Variants in CRADD observed in about 807,000 individuals in gnomAD.
CRADD encodes the protein death domain-containing protein CRADD.
CRADD carries 9 observed loss-of-function variants against 15.5 expected under a neutral mutation model. The observed-to-expected ratio is 0.58, with a 90% CI of 0.35 to 1.01. CRADD has a LOEUF of 1.01. CRADD is among the 50% of genes least tolerant of loss of function. The pLI is 0.02. For synonymous variants in CRADD, 118 were observed against 107.6 expected, an observed-to-expected ratio of 1.10 and a Z score of -0.60; for missense variants, 227 against 250.3, an observed-to-expected ratio of 0.91 and a Z score of 0.63.
intron 2 of CRADD, among the ~76,000 whole-genome samples, chr12:93,893,433 C>G (rs910499844): frequency 6.6e-6 from 1 of 151,738 alleles, no homozygotes; most frequent in African/African-American, 2.4e-5. Context: ...TCAAGGAAGA[C>G]TAGGGGAAAT....
intron 2 of CRADD, among the ~76,000 whole-genome samples, chr12:93,800,832 C>T (rs570552053): frequency 3.3e-5 from 5 of 152,260 alleles, no homozygotes; most frequent in African/African-American, 7.2e-5. Flanking sequence ...CAGACACATC[C>T]GAAAATAATG....
intron 2 of CRADD, among the ~76,000 whole-genome samples, chr12:93,821,753 C>T (rs1957771768): frequency 6.6e-6 from 1 of 152,168 alleles, no homozygotes; most frequent in East Asian, 1.9e-4. Context: ...GGCACAGCCT[C>T]TTCCTTGTGG....
intron 2 of CRADD, among the ~76,000 whole-genome samples, chr12:93,694,774 A>G (rs1955660480): frequency 6.6e-6 from 1 of 152,202 alleles, no homozygotes; most frequent in African/African-American, 2.4e-5. Context: ...AAACCTGTAT[A>G]ATGAAAACTG....
chr12:93,829,204 C>G (rs989970573), intron 2 of CRADD, among the ~76,000 whole-genome samples: 5 of 151,342 alleles, frequency 3.3e-5, no homozygotes, highest in Non-Finnish European at 7.4e-5. Flanking sequence ...GGGAAAAGAC[C>G]ACAGACACAT....
At chr12:93,778,905 T>G (rs1239104854) in intron 2 of CRADD, among the ~76,000 whole-genome samples, 10 of 152,156 alleles carry the variant, frequency 6.6e-5, no homozygotes, top group Admixed American at 6.5e-4. Context: ...GAGTTGAGGG[T>G]ATAAGATTTT....
At chr12:93,715,623 A>G (rs1019364423) in intron 2 of CRADD, among the ~76,000 whole-genome samples, 6 of 152,338 alleles carry the variant, frequency 3.9e-5, no homozygotes, top group African/African-American at 1.4e-4. Flanking sequence ...AAATAAATAA[A>G]TAGAAATTTA....
rs199710398 is a variant in CRADD at position 93,886,868 on chromosome 12, T to G, written c.299-7182T>G. Among the ~76,000 whole-genome samples the G allele has an allele frequency of 2.6e-5, 4 of 152,206 alleles. No individual in the cohort carries two copies. The East Asian group carries it at 7.7e-4, about 29-fold the overall frequency. ...TTCCAAAGGGACCATTTTATGGTCATGGGCATAATTAATAGCAGAACTGTT... is the reference window on the plus strand; with the variant it reads ...TTCCAAAGGGACCATTTTATGGTCAGGGGCATAATTAATAGCAGAACTGTT... On this transcript the variant is annotated intron_variant, in intron 2 of 2. Coordinates refer to the CRADD transcript ENST00000548483.
intron 2 of CRADD, among the ~76,000 whole-genome samples, chr12:93,762,986 G>A (rs11107173): frequency 6.6e-6 from 1 of 152,140 alleles, no homozygotes; most frequent in African/African-American, 2.4e-5. Flanking sequence ...TGGAGTATTG[G>A]TGGCTAAAAC....
chr12:93,880,207 G>A (rs1185752222), intron 2 of CRADD, among the ~76,000 whole-genome samples: 2 of 152,094 alleles, frequency 1.3e-5, no homozygotes, highest in African/African-American at 2.4e-5. Context: ...CTTATCTTAC[G>A]GATCACATTT....
rs189938730 is a variant in CRADD at position 93,882,872 on chromosome 12, G to T, written c.299-11178G>T. ...ACTAAAGATGGAACTGGCCTTTGTGGTTTCCTTTCCATTCTCTTCCTTTCC... is the reference window on the plus strand; with the variant it reads ...ACTAAAGATGGAACTGGCCTTTGTGTTTTCCTTTCCATTCTCTTCCTTTCC... On this transcript the variant is annotated intron_variant, in intron 2 of 2. Coordinates refer to the CRADD transcript ENST00000548483. Among the ~76,000 whole-genome samples the T allele has an allele frequency of 1.5e-3, 230 of 152,208 alleles. 4 individuals carry two copies. Among genetic ancestry groups the T allele is most frequent in the Non-Finnish European group, 2.1e-4 (14 of 68,004 alleles).
intron 2 of CRADD, among the ~76,000 whole-genome samples, chr12:93,732,602 T>C (rs1956485895): frequency 6.6e-6 from 1 of 152,222 alleles, no homozygotes; most frequent in Non-Finnish European, 1.5e-5. Flanking sequence ...ATACTGATGA[T>C]ATTTGAATAG....
intron 2 of CRADD, among the ~76,000 whole-genome samples, chr12:93,755,696 T>C (rs1956882860): frequency 6.6e-6 from 1 of 152,238 alleles, no homozygotes; most frequent in African/African-American, 2.4e-5. Context: ...GCCAGTGCAC[T>C]GTAGCCACAT....
intron 2 of CRADD, among the ~76,000 whole-genome samples, chr12:93,789,034 G>T (rs1317273555): frequency 6.6e-6 from 1 of 151,982 alleles, no homozygotes; most frequent in Non-Finnish European, 1.5e-5. Flanking sequence ...TATCCTTGGT[G>T]GTCAACCACT....
At position 93,891,343 on chromosome 12, in the gene CRADD, C is replaced by T. The variant is rs566358014; in HGVS notation, c.299-2707C>T. 2.2e-4 allele frequency among the ~76,000 whole-genome samples: 34 copies of T among 152,060 alleles called. No homozygotes were observed. The South Asian group carries it at 5.6e-3, about 25-fold the overall frequency. On this transcript the variant is annotated intron_variant, in intron 2 of 2. Transcript: ENST00000548483. ...CTCTACTAAAAACACAAAAATTAGC[C>T]GGGCATGGTGGCACATACCTGTAAT...
chr12:93,747,292 AG>A (rs1956767495), intron 2 of CRADD, among the ~76,000 whole-genome samples: 2 of 152,040 alleles, frequency 1.3e-5, no homozygotes, highest in South Asian at 4.2e-4. Context: ...CAGGAGAGAG[AG>A]GGCTCTTGTC....
chr12:93,770,762 A>T (rs180879339), intron 2 of CRADD, among the ~76,000 whole-genome samples: 2 of 152,342 alleles, frequency 1.3e-5, no homozygotes, highest in Admixed American at 1.3e-4. Context: ...ATTCTTGGTT[A>T]TTCTTGATCC....
At chr12:93,872,529 A>G (rs1235740309) in intron 2 of CRADD, among the ~76,000 whole-genome samples, 2 of 152,168 alleles carry the variant, frequency 1.3e-5, no homozygotes, top group East Asian at 3.8e-4. Context: ...AGTAGAAAAC[A>G]TAGTTCAAGG....
intron 2 of CRADD, among the ~76,000 whole-genome samples, chr12:93,718,521 C>T (rs1956202129): frequency 6.6e-6 from 1 of 152,176 alleles, no homozygotes; most frequent in East Asian, 1.9e-4. Flanking sequence ...TCTGAATCTT[C>T]TTATAATTGC....
chr12:93,823,479 ATTAC>A (rs1435715376), intron 2 of CRADD, among the ~76,000 whole-genome samples: 1 of 152,106 alleles, frequency 6.6e-6, no homozygotes, highest in Non-Finnish European at 1.5e-5. Flanking sequence ...ATTTTTTCAA[ATTAC>A]TTCTACTAAT....
Sources: gnomAD v4.1 joint callset for allele counts (sites outside exome capture counted in the v4.1 genomes callset) on GRCh38, gnomAD v4.1.1 for gene constraint, MANE v1.5 for transcripts, NCBI Gene and HGNC (gene_info 2026-07-23, HGNC 2026-07-21) for gene names.